The following COL7A1 variants were observed in gnomAD, a reference collection of about 807,000 sequenced individuals.
The protein encoded by COL7A1 is collagen type VII alpha 1 chain.
COL7A1 carries 296 observed loss-of-function variants against 456.2 expected under a neutral mutation model. The observed-to-expected ratio is 0.65, with a 90% CI of 0.59 to 0.71. The LOEUF (loss-of-function observed/expected upper bound fraction) is 0.71, where lower values mean the gene tolerates loss of function less well. Among genes scored for constraint, COL7A1 ranks in the 30% least tolerant of loss-of-function variants. COL7A1 has a pLI of 0.00. For missense variants in COL7A1, 3,441 were observed against 4,017.2 expected, an observed-to-expected ratio of 0.86 and a Z score of 3.88; for synonymous variants, 1,464 against 1,525.9, an observed-to-expected ratio of 0.96 and a Z score of 0.95.
At chr3:48,595,182 C>T in intron 1 of COL7A1, 22 bp from the exon 2 acceptor site, 1 of 1,544,752 alleles carries the variant, frequency 6.5e-7, no homozygotes, top group Non-Finnish European at 8.8e-7. Flanking sequence ...AAGCCGTCAG[C>T]TAGGACCCCC....
Position 48,566,614 on chromosome 3 carries a change from A to G in COL7A1, c.8304+46T>C. The G allele has an allele frequency of 1.2e-6, 2 of 1,614,148 alleles. No individual in the cohort carries two copies. The highest frequency in any genetic ancestry group is 1.7e-6 in the Non-Finnish European group (2 of 1,179,998). ...TGTGACCTCTGACCTCAGGGACAAC[A>G]GAAGTCACCCCGATCTCTGACCCAA... On this transcript the variant is annotated intron_variant, in intron 112 of 118. Coordinates refer to ENST00000681320, the MANE Select transcript of COL7A1 (RefSeq NM_000094.4). The surrounding 1 kb of genome is among the most constrained non-coding windows in gnomAD (Gnocchi z 5.9).
chr3:48,593,235 C>T lies in COL7A1; in HGVS notation c.549G>A (p.Leu183=), dbSNP rs2045839057. Residue 183 remains leucine, a synonymous_variant, in exon 6 of 119, where the codon CTG becomes CTA. Coordinates refer to ENST00000681320, the MANE Select transcript of COL7A1 (RefSeq NM_000094.4). The surrounding 1 kb of genome is among the most constrained non-coding windows in gnomAD (Gnocchi z 4.4). The part of the protein sequence containing the change: ...VGIKNADPEE[L]KRVASQPTSD... The stretch of plus-strand genomic sequence containing the variant: ...TGGTGGGCTGTGAGGCAACTCGCTT[C>T]AGCTCCTCAGGGTCAGCATTCTTGA... 1 of 1,614,006 alleles carries T rather than the reference C, an allele frequency of 6.2e-7. No homozygotes were observed. The highest frequency in any genetic ancestry group is 1.3e-5 in the African/African-American group (1 of 74,890).
At position 48,585,646 on chromosome 3, in the gene COL7A1, GA is replaced by G; in HGVS notation, c.3832-28del. ...TGAAAGAAGATAGCAGTTAGGTGGG[GA>G]TAAGCCAGTCAGGGTGCAGGGACAG... is the stretch of plus-strand genomic sequence containing the variant. On this transcript the variant is annotated intron_variant, in intron 31 of 118. Coordinates refer to ENST00000681320, the MANE Select transcript of COL7A1 (RefSeq NM_000094.4). The surrounding 1 kb of genome is among the most constrained non-coding windows in gnomAD (Gnocchi z 4.5). 1 of 1,614,050 alleles carries G rather than the reference GA, an allele frequency of 6.2e-7. No individual in the cohort carries two copies. The highest frequency in any genetic ancestry group is 8.5e-7 in the Non-Finnish European group (1 of 1,180,016).
Position 48,567,803 on chromosome 3 carries a change from G to A in COL7A1, c.7929+35C>T, listed in dbSNP as rs1446275743. The A allele has an allele frequency of 2.1e-5, 34 of 1,614,102 alleles. No individual in the cohort carries two copies. The highest frequency in any genetic ancestry group is 2.8e-5 in the Non-Finnish European group (33 of 1,179,994). ...CAGTGGGGTGAGCCTTAGGCCCCAG[G>A]CCACGTAGCCCCCCAGCCCCCATCC... On this transcript the variant is annotated intron_variant, in intron 107 of 118. Coordinates refer to ENST00000681320, the MANE Select transcript of COL7A1 (RefSeq NM_000094.4). The surrounding 1 kb of genome is among the most constrained non-coding windows in gnomAD (Gnocchi z 4.3).
Position 48,568,404 on chromosome 3 carries a change from A to C in COL7A1, c.7794+95T>G. 7.6e-7 allele frequency: 1 copy of C among 1,309,752 alleles called. No individual in the cohort carries two copies. The highest frequency in any genetic ancestry group is 1.1e-6 in the Non-Finnish European group (1 of 930,382). The allele number at this position is 1,309,752 out of a possible 1,614,324, so 81.1% of individuals were successfully genotyped here. The stretch of plus-strand genomic sequence containing the variant: ...GAGGACACCATGAGAGCACTGGGTC[A>C]CTATAAGGTCAAAAGCTACCACACT... On this transcript the variant is annotated intron_variant, in intron 105 of 118. Coordinates refer to ENST00000681320, the MANE Select transcript of COL7A1 (RefSeq NM_000094.4). The surrounding 1 kb of genome is among the most constrained non-coding windows in gnomAD (Gnocchi z 5.2).
Position 48,578,333 on chromosome 3 carries a change from C to T in COL7A1, c.5520G>A (p.Leu1840=), listed in dbSNP as rs1001076813. 2 of 1,612,760 alleles carry T rather than the reference C, an allele frequency of 1.2e-6. No homozygotes were observed. The highest frequency in any genetic ancestry group is 1.7e-5 in the Admixed American group (1 of 60,018). The change falls in exon 65 of 119, where the codon CTG becomes CTA. Residue 1840 remains leucine, a synonymous_variant. Transcript: ENST00000681320. This position sits in a 1 kb window ranked among gnomAD's most constrained non-coding sequence, Gnocchi z 4.7. ...TGGACACACTCACGTTTTTTCCATT[C>T]AGGCCAGGTTTGCCATCCTCGCCTG... ...GKPGEDGKPG[L]NGKNGEPGDP...
chr3:48,587,592 G>A lies in COL7A1; in HGVS notation c.2858-38C>T, dbSNP rs1164985027. On this transcript the variant is annotated intron_variant, in intron 22 of 118. Coordinates refer to ENST00000681320, the MANE Select transcript of COL7A1 (RefSeq NM_000094.4). The surrounding 1 kb of genome is among the most constrained non-coding windows in gnomAD (Gnocchi z 6.1). ...TGAAAGATCGAGGATCAGAGGCTGA[G>A]TCCTGAGAACCCAGAAGGGAGAGAT... 3.7e-6 allele frequency: 6 copies of A among 1,613,180 alleles called. No individual in the cohort carries two copies. Among genetic ancestry groups the A allele is most frequent in the African/African-American group, 2.7e-5 (2 of 74,932 alleles).
Position 48,583,050 on chromosome 3 carries a change from T to G in COL7A1, c.4483-2A>C. 6.2e-7 allele frequency: 1 copy of G among 1,613,920 alleles called. No homozygotes were observed. Among genetic ancestry groups the G allele is most frequent in the Non-Finnish European group, 8.5e-7 (1 of 1,179,958 alleles). ...TGGGCCTGGGGGTCCACGTTCGCCC[T>G]GATGGAAAAGAAGAGGTCAGAGCTG... is the stretch of plus-strand genomic sequence containing the variant. On this transcript the variant is annotated splice_acceptor_variant, in intron 43 of 118. Transcript: ENST00000681320. LOFTEE classifies it high-confidence loss of function. The surrounding 1 kb of genome is among the most constrained non-coding windows in gnomAD (Gnocchi z 5.1).
In COL7A1 at chr3:48,575,722, C is replaced by T; in HGVS notation, c.5883G>A (p.Glu1961=). 6.2e-7 allele frequency: 1 copy of T among 1,613,994 alleles called. No homozygotes were observed. The highest frequency in any genetic ancestry group is 8.5e-7 in the Non-Finnish European group (1 of 1,180,038). ...AGCTACCAGAGCTCTCATCCCAGGT[C>T]TCCACGATCTCCCGCAGGGCAGATG... ...IKASALREIV[E]TWDESSGSFL... The change falls in exon 73 of 119, where the codon GAG becomes GAA. Residue 1961 remains glutamate (E), a synonymous_variant. Coordinates refer to ENST00000681320, the MANE Select transcript of COL7A1 (RefSeq NM_000094.4). The surrounding 1 kb of genome is among the most constrained non-coding windows in gnomAD (Gnocchi z 6.3).
chr3:48,567,698 G>A lies in COL7A1; in HGVS notation c.7983+12C>T. On this transcript the variant is annotated intron_variant, in intron 108 of 118. Transcript: ENST00000681320. This position sits in a 1 kb window ranked among gnomAD's most constrained non-coding sequence, Gnocchi z 4.3. Reference sequence around the variant, plus strand: ...CCCGTGGCCCCCTCATTCTGAGCGTGCCCACACTCACCATCTCTCCTTTGT... The same window carrying A: ...CCCGTGGCCCCCTCATTCTGAGCGTACCCACACTCACCATCTCTCCTTTGT... 1 of 1,614,050 alleles carries A rather than the reference G, an allele frequency of 6.2e-7. No individual in the cohort carries two copies. Among genetic ancestry groups the A allele is most frequent in the Non-Finnish European group, 8.5e-7 (1 of 1,180,010 alleles).
At position 48,583,929 on chromosome 3, in the gene COL7A1, C is replaced by T. The variant is rs1418650670; in HGVS notation, c.4249G>A (p.Gly1417Ser). The T allele has an allele frequency of 3.1e-6, 5 of 1,614,016 alleles. No homozygotes were observed. The highest frequency in any genetic ancestry group is 4.2e-6 in the Non-Finnish European group (5 of 1,180,004). The change falls in exon 39 of 119, where the codon GGC (glycine) becomes AGC (serine). Residue 1417 changes from glycine (G) to serine (S), a missense_variant. Gly to Ser is a moderately conservative substitution (Grantham distance 56). Transcript: ENST00000681320. The surrounding 1 kb of genome is among the most constrained non-coding windows in gnomAD (Gnocchi z 5.1). ...ERGPPGPGEG[G>S]IAPGEPGLPG... ...AGCCCAGGCTCCCCAGGAGCAATGC[C>T]ACCTTCACCTGGTCCAGGGGGACCC...
At chr3:48,582,445 A>T (rs749632568) in intron 46 of COL7A1, 33 bp downstream of exon 46, 7 of 1,613,898 alleles carry the variant, frequency 4.3e-6, no homozygotes, top group Non-Finnish European at 5.1e-6. Flanking sequence ...CATCCCTAGT[A>T]CCAGACAGTG....
At position 48,565,180 on chromosome 3, in the gene COL7A1, T is replaced by A. The variant is rs753118545; in HGVS notation, c.8549A>T (p.Asp2850Val). 2 of 1,613,906 alleles carry A rather than the reference T, an allele frequency of 1.2e-6. No homozygotes were observed. Among genetic ancestry groups the A allele is most frequent in the South Asian group, 1.1e-5 (1 of 90,990 alleles). ...ATACTCGGAGTATTCAGAGTACTCA[T>A]CATCCTCAGGGGGTACCCGCTCTGC... ...EEEERVPPED[D>V]EYSEYSEYSV... Residue 2850 changes from aspartate to valine, a missense_variant, in exon 117 of 119, where the codon GAT becomes GTT. Transcript: ENST00000681320. The surrounding 1 kb of genome is among the most constrained non-coding windows in gnomAD (Gnocchi z 4.5).
chr3:48,583,636 T>C lies in COL7A1; in HGVS notation c.4342-21A>G. ...TCACCCTGAAGGAGAAACACACGGG[T>C]GGGAAGACCGAAGGGAGGCCCTGCC... On this transcript the variant is annotated intron_variant, in intron 40 of 118. Transcript: ENST00000681320. The surrounding 1 kb of genome is among the most constrained non-coding windows in gnomAD (Gnocchi z 5.1). The C allele has an allele frequency of 6.2e-7, 1 of 1,613,890 alleles. No individual in the cohort carries two copies. The highest frequency in any genetic ancestry group is 1.1e-5 in the South Asian group (1 of 91,078).
chr3:48,572,963 C>T lies in COL7A1; in HGVS notation c.6751-21G>A. On this transcript the variant is annotated intron_variant, in intron 86 of 118. Transcript: ENST00000681320. The surrounding 1 kb of genome is among the most constrained non-coding windows in gnomAD (Gnocchi z 4.6). ...TCCCCCTGAGAGGGAAGAGCTCTGT[C>T]AGGGCTGCCTGTCGACCCTTGACCC... 1 of 1,614,054 alleles carries T rather than the reference C, an allele frequency of 6.2e-7. No homozygotes were observed. Among genetic ancestry groups the T allele is most frequent in the Non-Finnish European group, 8.5e-7 (1 of 1,180,004 alleles).
rs538212483 is a variant in COL7A1, at chr3:48,583,864, G to A, written c.4278+36C>T. On this transcript the variant is annotated intron_variant, in intron 39 of 118. Coordinates refer to ENST00000681320, the MANE Select transcript of COL7A1 (RefSeq NM_000094.4). The surrounding 1 kb of genome is among the most constrained non-coding windows in gnomAD (Gnocchi z 5.1). ...TGCCCCAGGAGAGACCCACACCCCT[G>A]AGCAGGGCCCCCAGCAGAGCCTCAA... 6 of 1,613,552 alleles carry A rather than the reference G, an allele frequency of 3.7e-6. No individual in the cohort carries two copies. The African/African-American group carries it at 6.7e-5, about 18-fold the overall frequency.
At position 48,576,984 on chromosome 3, in the gene COL7A1, G is replaced by A. The variant is rs543567632; in HGVS notation, c.5568+8C>T. ...GAGACCAGAGAGACCCCAGGTGGGG[G>A]ACTTTACCTTCCTCCCGTCTTCTCC... On this transcript the variant is annotated splice_region_variant and intron_variant, in intron 66 of 118. Transcript: ENST00000681320. 7 of 1,614,000 alleles carry A rather than the reference G, an allele frequency of 4.3e-6. No individual in the cohort carries two copies. Among genetic ancestry groups the A allele is most frequent in the South Asian group, 1.1e-5 (1 of 91,084 alleles).
Position 48,593,808 on chromosome 3 carries a change from C to T in COL7A1, c.267-112G>A, listed in dbSNP as rs946643634. ...GGGTATCAGGCTCTCTTGAGGGGTC[C>T]CTTCGTTCTGTCATTCTCCACACCC... is the stretch of plus-strand genomic sequence containing the variant. On this transcript the variant is annotated intron_variant, in intron 3 of 118. Transcript: ENST00000681320. This position sits in a 1 kb window ranked among gnomAD's most constrained non-coding sequence, Gnocchi z 4.4. 10 of 1,314,222 alleles carry T rather than the reference C, an allele frequency of 7.6e-6. No homozygotes were observed. The highest frequency in any genetic ancestry group is 1.5e-5 in the African/African-American group (1 of 68,632). 81.4% of individuals were successfully genotyped at this position (1,314,222 alleles called of 1,614,324 possible). A position where few individuals can be genotyped will look rare whatever the true frequency, so the allele number is the denominator to read the frequency against.
In COL7A1 at chr3:48,592,063, T is replaced by G. The variant is rs778458222; in HGVS notation, c.1240+39A>C. 4 of 1,614,120 alleles carry G rather than the reference T, an allele frequency of 2.5e-6. No individual in the cohort carries two copies. Among genetic ancestry groups the G allele is most frequent in the African/African-American group, 2.7e-5 (2 of 75,032 alleles). On this transcript the variant is annotated intron_variant, in intron 10 of 118. Transcript: ENST00000681320. The surrounding 1 kb of genome is among the most constrained non-coding windows in gnomAD (Gnocchi z 7.6). The stretch of plus-strand genomic sequence containing the variant: ...AGTGGCCTCCGGGCCTTGCCCTGCC[T>G]GCCCGTCCCAGCCTGAAGAAAGTGC...
Sources: gnomAD v4.1 joint callset for allele counts on GRCh38, gnomAD v4.1.1 for gene constraint, Gnocchi (gnomAD v3.1) non-coding constraint, MANE v1.5 for transcripts, NCBI Gene and HGNC (gene_info 2026-07-23, HGNC 2026-07-21) for gene names.